The following NXPE2 variants were observed in gnomAD, a reference collection of about 807,000 sequenced individuals.
NXPE2 encodes the protein NXPE family member 2.
A neutral mutation model predicts 34.4 loss-of-function variants in NXPE2; 34 were observed. That is an observed-to-expected ratio of 0.99 (90% confidence interval 0.75 to 1.31). The LOEUF is 1.31. NXPE2 is among the 40% of genes most tolerant of loss of function. The pLI is 0.00. For missense variants in NXPE2, 649 were observed against 672.5 expected, an observed-to-expected ratio of 0.97 and a Z score of 0.39; for synonymous variants, 235 against 231.3, an observed-to-expected ratio of 1.02 and a Z score of -0.15.
At chr11:114,796,142 A>G in the NXPE2 span, among the ~76,000 whole-genome samples, 1 of 152,232 alleles carries the variant, frequency 6.6e-6, no homozygotes, top group Non-Finnish European at 1.5e-5. Flanking sequence ...AGTTTATTGT[A>G]GGAAGCAAAT....
the NXPE2 span, among the ~76,000 whole-genome samples, chr11:114,561,349 G>A: frequency 6.6e-6 from 1 of 152,120 alleles, no homozygotes; most frequent in Non-Finnish European, 1.5e-5. Context: ...TCAGCGTAAC[G>A]TCCACGATGT....
chr11:114,485,720 A>C, the NXPE2 span, among the ~76,000 whole-genome samples: 8 of 151,928 alleles, frequency 5.3e-5, no homozygotes, highest in African/African-American at 1.9e-4. Context: ...TTAAGTTTTT[A>C]GCTCCCACAA....
intron 1 of NXPE2, 34 bp from the exon 2 acceptor site, chr11:114,679,623 T>A: frequency 7.5e-7 from 1 of 1,337,790 alleles, no homozygotes; most frequent in Non-Finnish European, 1.0e-6. Flanking sequence ...CTTATTTGAT[T>A]TAATGTGATT....
chr11:114,651,509 C>T, the NXPE2 span, among the ~76,000 whole-genome samples: 1 of 152,174 alleles, frequency 6.6e-6, no homozygotes, highest in African/African-American at 2.4e-5. Flanking sequence ...AAGAACAAAC[C>T]TGCCACAGCA....
the NXPE2 span, among the ~76,000 whole-genome samples, chr11:114,491,927 C>A: frequency 1.5e-4 from 23 of 152,112 alleles, no homozygotes; most frequent in African/African-American, 5.6e-4. Flanking sequence ...CCAAACACCG[C>A]ATATTCTCAC....
chr11:114,788,585 GT>G, the NXPE2 span, among the ~76,000 whole-genome samples: 4 of 152,182 alleles, frequency 2.6e-5, no homozygotes, highest in Non-Finnish European at 5.9e-5. Context: ...TTTCATATTT[GT>G]TTTGGAGACA....
chr11:114,469,373 A>G, the NXPE2 span, among the ~76,000 whole-genome samples: 2 of 151,388 alleles, frequency 1.3e-5, no homozygotes, highest in Admixed American at 1.3e-4. Flanking sequence ...TCAGCCTCCC[A>G]AAGTGCTAGG....
the NXPE2 span, chr11:114,554,388 T>A: frequency 1.0e-6 from 1 of 984,982 alleles, no homozygotes; most frequent in East Asian, 1.1e-4. Flanking sequence ...ACCACAGAGG[T>A]GATGACAATA....
chr11:114,769,228 C>T, the NXPE2 span, among the ~76,000 whole-genome samples: 1 of 152,060 alleles, frequency 6.6e-6, no homozygotes, highest in South Asian at 2.1e-4. Flanking sequence ...CACCATTGGT[C>T]ATTAGAGAAA....
chr11:114,652,486 C>G, the NXPE2 span, among the ~76,000 whole-genome samples: 4 of 152,120 alleles, frequency 2.6e-5, no homozygotes, highest in Non-Finnish European at 5.9e-5. Context: ...ACACAATTCT[C>G]TACTATATAA....
chr11:114,804,088 C>T, the NXPE2 span, among the ~76,000 whole-genome samples: 2 of 152,272 alleles, frequency 1.3e-5, no homozygotes, highest in Non-Finnish European at 1.5e-5. Context: ...ATTCAACAGG[C>T]TGTCCCTGCA....
chr11:114,568,098 G>A, the NXPE2 span, among the ~76,000 whole-genome samples: 6 of 152,092 alleles, frequency 3.9e-5, no homozygotes, highest in African/African-American at 1.2e-4. Context: ...CCTAGAAAGT[G>A]CTAACTTCTG....
chr11:114,491,666 C>T, the NXPE2 span, among the ~76,000 whole-genome samples: 1 of 152,222 alleles, frequency 6.6e-6, no homozygotes, highest in Non-Finnish European at 1.5e-5. Context: ...TGGGTATATA[C>T]CCAAAGGATT....
At chr11:114,802,617 ATTTTT>A in the NXPE2 span, among the ~76,000 whole-genome samples, 1 of 151,790 alleles carries the variant, frequency 6.6e-6, no homozygotes, top group African/African-American at 2.4e-5. Context: ...ACAGTCTTTT[ATTTTT>A]TTTAATAATT....
At chr11:114,630,762 G>A in the NXPE2 span, among the ~76,000 whole-genome samples, 378 of 151,222 alleles carry the variant, frequency 2.5e-3, 8 homozygotes, top group African/African-American at 5.0e-3. Context: ...GAAAATCTTC[G>A]CAACCTACTC....
At chr11:114,692,186 GTCTTT>G (rs1375874376) in intron 2 of NXPE2, among the ~76,000 whole-genome samples, 2 of 152,218 alleles carry the variant, frequency 1.3e-5, no homozygotes, top group Admixed American at 6.5e-5. Context: ...GCCAAACAAT[GTCTTT>G]AAATGCTCAA....
At chr11:114,807,723 A>G in the NXPE2 span, among the ~76,000 whole-genome samples, 2 of 151,700 alleles carry the variant, frequency 1.3e-5, no homozygotes, top group Non-Finnish European at 2.9e-5. Context: ...AGAGACTTAG[A>G]CTCCCACACA....
the NXPE2 span, among the ~76,000 whole-genome samples, chr11:114,611,901 T>C: frequency 6.6e-6 from 1 of 151,902 alleles, no homozygotes; most frequent in African/African-American, 2.4e-5. Context: ...GTAAACACCA[T>C]TACCTGCTGG....
chr11:114,610,496 A>G, the NXPE2 span, among the ~76,000 whole-genome samples: 1 of 151,846 alleles, frequency 6.6e-6, no homozygotes, highest in Non-Finnish European at 1.5e-5. Flanking sequence ...CCCAGTGGAT[A>G]ATAAGTGTTG....
Sources: gnomAD v4.1 joint callset for allele counts (sites outside exome capture counted in the v4.1 genomes callset) on GRCh38, gnomAD v4.1.1 for gene constraint, MANE v1.5 for transcripts, NCBI Gene and HGNC (gene_info 2026-07-23, HGNC 2026-07-21) for gene names.